RBFOX1: variants seen among roughly 807,000 people sequenced by gnomAD.
RBFOX1 encodes the protein RNA binding fox-1 homolog 1.
Under a neutral mutation model 57.7 loss-of-function variants are expected in RBFOX1, and 8 were observed. That is an observed-to-expected ratio of 0.14 (90% CI 0.08 to 0.25). The LOEUF is 0.25. Ranked by LOEUF, RBFOX1 falls within the 10% of genes least tolerant of loss-of-function variation. RBFOX1 has a pLI of 1.00. For synonymous variants in RBFOX1, 326 were observed against 222.4 expected (o/e 1.47, Z -4.15); for missense variants, 611 against 548.5 (o/e 1.11, Z -1.14).
chr16:5,266,353 T>C (rs113571992), intron 1 of RBFOX1, among the ~76,000 whole-genome samples: 1,532 of 152,184 alleles, frequency 0.01, 24 homozygotes, highest in African/African-American at 0.028. Flanking sequence ...CCCCAGATAT[T>C]GCCTAATGTC....
chr16:5,981,318 C>T (rs1003681046), intron 4 of RBFOX1, among the ~76,000 whole-genome samples: 2 of 152,140 alleles, frequency 1.3e-5, no homozygotes, highest in African/African-American at 2.4e-5. Flanking sequence ...GGAGCCCTAG[C>T]CCCTGGGGAC....
intron 3 of RBFOX1, among the ~76,000 whole-genome samples, chr16:6,801,007 A>G (rs1205825525): frequency 1.3e-5 from 2 of 152,118 alleles, no homozygotes; most frequent in South Asian, 2.1e-4. Flanking sequence ...AATAAATGAA[A>G]AAGTGAGAAT....
chr16:5,445,484 T>G (rs1012282758), intron 1 of RBFOX1, among the ~76,000 whole-genome samples: 1 of 152,206 alleles, frequency 6.6e-6, no homozygotes, highest in African/African-American at 2.4e-5. Flanking sequence ...ATTTGTTGGA[T>G]AAACAAAAGA....
At chr16:6,953,651 C>T (rs370152582) in intron 3 of RBFOX1, among the ~76,000 whole-genome samples, 194 of 152,238 alleles carry the variant, frequency 1.3e-3, no homozygotes, top group African/African-American at 3.8e-3. Flanking sequence ...CCTCCCAAAG[C>T]GCTGGGATTA....
rs894010793 is a variant in RBFOX1, at chr16:5,721,233, C to G, written c.318+122272C>G. Among the ~76,000 whole-genome samples the G allele has an allele frequency of 2.6e-5, 4 of 152,132 alleles. No homozygotes were observed. The South Asian group carries it at 6.2e-4, about 24-fold the overall frequency. ...GATACTATTATAAAGGAAATTGTGT[C>G]CTTAGTTTCATGAGTTGTTCATTAC... On this transcript the variant is annotated intron_variant, in intron 3 of 19. Coordinates refer to the RBFOX1 transcript ENST00000641259.
At chr16:6,075,493 T>C (rs1310704767) in intron 1 of RBFOX1, among the ~76,000 whole-genome samples, 1 of 152,238 alleles carries the variant, frequency 6.6e-6, no homozygotes, top group African/African-American at 2.4e-5. Context: ...TTAGAAAATA[T>C]ACTGTGTACC....
intron 1 of RBFOX1, among the ~76,000 whole-genome samples, chr16:5,328,979 G>C (rs2064667531): frequency 6.6e-6 from 1 of 152,124 alleles, no homozygotes; most frequent in African/African-American, 2.4e-5. Flanking sequence ...TCATAAATCT[G>C]TCTCTTGGTC....
At chr16:6,334,561 G>A (rs539179857) in intron 2 of RBFOX1, among the ~76,000 whole-genome samples, 3 of 151,112 alleles carry the variant, frequency 2.0e-5, no homozygotes, top group East Asian at 3.9e-4. Context: ...TATATATTGA[G>A]AAATAAGATT....
chr16:6,973,240 A>G (rs569154740), intron 3 of RBFOX1, among the ~76,000 whole-genome samples: 2 of 152,300 alleles, frequency 1.3e-5, no homozygotes, highest in African/African-American at 4.8e-5. Flanking sequence ...TTCCCCATTA[A>G]TAGCATAAAT....
Position 7,083,280 on chromosome 16 carries a change from GCTGT to G in RBFOX1, c.27+31185_27+31188del, listed in dbSNP as rs201836975. Among the ~76,000 whole-genome samples the G allele has an allele frequency of 6.1e-3, 928 of 152,026 alleles. 6 individuals are homozygous for G. The highest frequency in any genetic ancestry group is 8.0e-3 in the Non-Finnish European group (546 of 67,996). On this transcript the variant is annotated intron_variant, in intron 4 of 15. Transcript: ENST00000550418. ...TCCCACACTTGATTAATGGGAAACA[GCTGT>G]CTCCTGCTTGTGTCACAGTGATAAA...
At chr16:7,045,029 C>T (rs756105359) in intron 3 of RBFOX1, among the ~76,000 whole-genome samples, 5 of 152,118 alleles carry the variant, frequency 3.3e-5, no homozygotes, top group African/African-American at 9.7e-5. Context: ...GGGATTCTGC[C>T]GTTTTGTGCA....
intron 4 of RBFOX1, among the ~76,000 whole-genome samples, chr16:5,974,744 C>T (rs1254170277): frequency 6.6e-6 from 1 of 152,286 alleles, no homozygotes; most frequent in South Asian, 2.1e-4. Flanking sequence ...CGCAGTGGCT[C>T]ACGTCTGTAA....
intron 3 of RBFOX1, among the ~76,000 whole-genome samples, chr16:6,961,170 A>AAAGAAAG (rs2082927866): frequency 2.4e-5 from 1 of 41,564 alleles, no homozygotes. Context: ...CACGCAAAAG[A>AAAGAAAG]AAGAAAGAAA....
rs1178600999 is a variant in RBFOX1, at chr16:7,507,549, T to G, written c.28-10598T>G. Among the ~76,000 whole-genome samples, 4 of 107,638 alleles carry G rather than the reference T, an allele frequency of 3.7e-5. No homozygotes were observed. In the East Asian group the frequency reaches 8.1e-4, roughly 22 times the overall value. 70.6% of individuals were successfully genotyped at this position (107,638 alleles called of 152,430 possible). A position where few individuals can be genotyped will look rare whatever the true frequency, so the allele number is the denominator to read the frequency against. ...GGTGTGAAGGCCTTGGAACGTGATT[T>G]TTTTTTTCTTTCTTTCTTTTTTTTT... On this transcript the variant is annotated intron_variant, in intron 4 of 15. Transcript: ENST00000550418.
intron 2 of RBFOX1, among the ~76,000 whole-genome samples, chr16:6,384,142 G>C (rs2092068933): frequency 6.6e-6 from 1 of 150,614 alleles, no homozygotes; most frequent in African/African-American, 2.5e-5. Flanking sequence ...TGGTTGAAAG[G>C]TGCTGGATCA....
intron 3 of RBFOX1, among the ~76,000 whole-genome samples, chr16:7,007,180 G>C (rs1044255026): frequency 2.0e-5 from 3 of 152,186 alleles, no homozygotes; most frequent in Non-Finnish European, 2.9e-5. Flanking sequence ...TTTCCTTGCA[G>C]CTGTAAAGCT....
chr16:7,378,056 C>A (rs892486415), intron 4 of RBFOX1, among the ~76,000 whole-genome samples: 1 of 152,118 alleles, frequency 6.6e-6, no homozygotes, highest in African/African-American at 2.4e-5. Context: ...CAAAGAGACT[C>A]CGGTGGCTAG....
intron 2 of RBFOX1, among the ~76,000 whole-genome samples, chr16:5,483,267 C>T (rs2151648475): frequency 6.6e-6 from 1 of 152,316 alleles, no homozygotes; most frequent in African/African-American, 2.4e-5. Flanking sequence ...GGATGGCAGA[C>T]ATGTGGCACG....
At chr16:6,730,341 T>C (rs1386278291) in intron 3 of RBFOX1, among the ~76,000 whole-genome samples, 1 of 152,084 alleles carries the variant, frequency 6.6e-6, no homozygotes, top group Non-Finnish European at 1.5e-5. Flanking sequence ...GAATAAGAAA[T>C]ACATTATATA....
Sources: gnomAD v4.1 joint callset for allele counts (sites outside exome capture counted in the v4.1 genomes callset) on GRCh38, gnomAD v4.1.1 for gene constraint, MANE v1.5 for transcripts, NCBI Gene and HGNC (gene_info 2026-07-23, HGNC 2026-07-21) for gene names.